The following KIAA1217 variants were observed in gnomAD, a reference collection of about 807,000 sequenced individuals.
The protein encoded by KIAA1217 is sickle tail protein homolog.
In KIAA1217, 88 loss-of-function variants were observed where a neutral mutation model predicts 163.9. That is an observed-to-expected ratio of 0.54 (90% CI 0.45 to 0.64). KIAA1217 has a LOEUF of 0.64. Among genes scored for constraint, KIAA1217 ranks in the 30% least tolerant of loss-of-function variants. KIAA1217 has a pLI of 0.00. For synonymous variants in KIAA1217, 903 were observed against 923.1 expected (o/e 0.98, Z 0.39); for missense variants, 2,372 against 2,475.0 (o/e 0.96, Z 0.88).
intron 2 of KIAA1217, among the ~76,000 whole-genome samples, chr10:24,037,123 G>C (rs368793688): frequency 5.3e-5 from 8 of 152,158 alleles, no homozygotes; most frequent in African/African-American, 1.9e-4. Context: ...AATCCTGCTA[G>C]GATTAGGTCA....
chr10:24,158,973 AT>A, intron 2 of KIAA1217, among the ~76,000 whole-genome samples: 1 of 152,352 alleles, frequency 6.6e-6, no homozygotes, highest in Non-Finnish European at 1.5e-5. Flanking sequence ...CTTGAGATAC[AT>A]TTTAAAGAAA....
chr10:23,975,612 G>T (rs775771140), intron 1 of KIAA1217, among the ~76,000 whole-genome samples: 1 of 152,130 alleles, frequency 6.6e-6, no homozygotes, highest in Non-Finnish European at 1.5e-5. Context: ...AGGGTAGAAG[G>T]GACTTCCCAT....
intron 2 of KIAA1217, among the ~76,000 whole-genome samples, chr10:24,090,330 CTCTTTTTTTTTT>C (rs2061885492): frequency 8.8e-6 from 1 of 114,282 alleles, no homozygotes; most frequent in African/African-American, 4.7e-5. Flanking sequence ...TCACATCCTG[CTCTTTTTTTTTT>C]TTTTTTTTTT....
intron 3 of KIAA1217, among the ~76,000 whole-genome samples, chr10:24,416,425 T>A (rs530300425): frequency 6.6e-6 from 1 of 152,202 alleles, no homozygotes; most frequent in African/African-American, 2.4e-5. Context: ...GCAGAGAAGG[T>A]TCTGTTCCTG....
At chr10:23,845,326 T>C (rs1295965080) in intron 1 of KIAA1217, among the ~76,000 whole-genome samples, 1 of 152,202 alleles carries the variant, frequency 6.6e-6, no homozygotes, top group Non-Finnish European at 1.5e-5. Flanking sequence ...TCTTCCACAA[T>C]GGTTGAACTA....
chr10:23,899,191 A>G (rs76190609), intron 1 of KIAA1217, among the ~76,000 whole-genome samples: 1,530 of 152,234 alleles, frequency 0.01, 22 homozygotes, highest in African/African-American at 0.035. Context: ...TTTCTAAAGC[A>G]TAAACCTAGA....
intron 2 of KIAA1217, among the ~76,000 whole-genome samples, chr10:24,031,668 A>G (rs1848191110): frequency 6.6e-6 from 1 of 152,046 alleles, no homozygotes; most frequent in South Asian, 2.1e-4. Flanking sequence ...CACATTCAAA[A>G]AGCCATTTCT....
intron 1 of KIAA1217, among the ~76,000 whole-genome samples, chr10:23,902,269 A>G (rs1398147710): frequency 6.6e-6 from 1 of 152,124 alleles, no homozygotes; most frequent in Non-Finnish European, 1.5e-5. Flanking sequence ...TAAGGCAGGA[A>G]CAGAAAACCA....
At chr10:24,291,897 A>G (rs1339047695) in intron 2 of KIAA1217, among the ~76,000 whole-genome samples, 1 of 152,190 alleles carries the variant, frequency 6.6e-6, no homozygotes, top group African/African-American at 2.4e-5. Context: ...AAATTCTCCC[A>G]TATACACATG....
chr10:24,170,278 G>A (rs968509963), intron 2 of KIAA1217, among the ~76,000 whole-genome samples: 13 of 152,322 alleles, frequency 8.5e-5, no homozygotes, highest in East Asian at 1.9e-4. Context: ...AAATAGACTC[G>A]CTCCTGAAAG....
intron 1 of KIAA1217, among the ~76,000 whole-genome samples, chr10:23,999,403 T>C (rs1405005739): frequency 1.3e-5 from 2 of 152,146 alleles, no homozygotes; most frequent in African/African-American, 4.8e-5. Flanking sequence ...AGGAGCAATG[T>C]GGCCAGGGAA....
chr10:24,205,066 G>T (rs577014446), upstream of KIAA1217, among the ~76,000 whole-genome samples: 17 of 152,118 alleles, frequency 1.1e-4, no homozygotes, highest in East Asian at 2.9e-3. Context: ...TCAACTATCT[G>T]GTTCTTAATA....
chr10:23,772,062 A>G (rs1834821630), intron 1 of KIAA1217, among the ~76,000 whole-genome samples: 1 of 152,230 alleles, frequency 6.6e-6, no homozygotes, highest in Admixed American at 6.5e-5. Context: ...TGTGATTTAA[A>G]TGTTAGTAAA....
intron 2 of KIAA1217, among the ~76,000 whole-genome samples, chr10:24,160,223 A>G (rs2065059131): frequency 6.6e-6 from 1 of 152,214 alleles, no homozygotes; most frequent in South Asian, 2.1e-4. Context: ...GCATTTTGAT[A>G]TCATTTAAAA....
intron 1 of KIAA1217, among the ~76,000 whole-genome samples, chr10:23,923,814 T>C (rs1205491535): frequency 6.6e-6 from 1 of 152,226 alleles, no homozygotes; most frequent in Admixed American, 6.5e-5. Context: ...TTTGTTTTTG[T>C]TTTTTAAATT....
intron 3 of KIAA1217, among the ~76,000 whole-genome samples, chr10:24,404,483 C>T (rs541044553): frequency 4.2e-4 from 61 of 144,984 alleles, no homozygotes; most frequent in Non-Finnish European, 7.9e-4. Flanking sequence ...AGGAGAATCT[C>T]TTGAACCCGG....
chr10:23,752,153 T>G (rs1010966337), intron 1 of KIAA1217, among the ~76,000 whole-genome samples: 12 of 152,092 alleles, frequency 7.9e-5, no homozygotes, highest in Non-Finnish European at 1.5e-4. Flanking sequence ...GTAATTTTCA[T>G]AAAGAAACAG....
At chr10:24,433,270 G>GTT in intron 4 of KIAA1217, 77 bp downstream of exon 4, 4 of 1,131,644 alleles carry the variant, frequency 3.5e-6, no homozygotes, top group Non-Finnish European at 5.0e-6. Context: ...GTTTTTGAGG[G>GTT]GTTTTTTTTT....
At chr10:23,960,518 A>G (rs138924856) in intron 1 of KIAA1217, among the ~76,000 whole-genome samples, 1,809 of 152,192 alleles carry the variant, frequency 0.012, 27 homozygotes, top group African/African-American at 0.041. Context: ...TGGCCTCCCA[A>G]AGTGCTGGGA....
Sources: gnomAD v4.1 joint callset for allele counts (sites outside exome capture counted in the v4.1 genomes callset) on GRCh38, gnomAD v4.1.1 for gene constraint, MANE v1.5 for transcripts, NCBI Gene and HGNC (gene_info 2026-07-23, HGNC 2026-07-21) for gene names.